SEMA5A: variants seen among roughly 807,000 people sequenced by gnomAD.
The protein encoded by SEMA5A is semaphorin 5A.
Under a neutral mutation model 135.5 loss-of-function variants are expected in SEMA5A, and 55 were observed. That is an observed-to-expected ratio of 0.41 (90% confidence interval 0.33 to 0.51). SEMA5A has a LOEUF of 0.51. SEMA5A is among the 20% of genes least tolerant of loss of function. The pLI, the probability that SEMA5A is intolerant of heterozygous loss-of-function variation, is 0.37. For synonymous variants in SEMA5A, 580 were observed against 546.5 expected (o/e 1.06, Z -0.85); for missense variants, 1,290 against 1,419.9 (o/e 0.91, Z 1.47).
chr5:9,357,838 A>G (rs1754519673), intron 3 of SEMA5A, among the ~76,000 whole-genome samples: 1 of 152,238 alleles, frequency 6.6e-6, no homozygotes, highest in African/African-American at 2.4e-5. Context: ...AAACTTACTT[A>G]GCTCCACGTC....
At chr5:9,380,652 G>C (rs895517534) in intron 2 of SEMA5A, among the ~76,000 whole-genome samples, 2 of 152,046 alleles carry the variant, frequency 1.3e-5, no homozygotes, top group African/African-American at 4.8e-5. Flanking sequence ...AATCTATATC[G>C]AGCACCTACT....
intron 1 of SEMA5A, among the ~76,000 whole-genome samples, chr5:9,539,780 G>A (rs1483857668): frequency 6.6e-6 from 1 of 152,164 alleles, no homozygotes; most frequent in African/African-American, 2.4e-5. Context: ...TATTCAATCT[G>A]TACACAGAAA....
intron 11 of SEMA5A, among the ~76,000 whole-genome samples, chr5:9,158,995 T>A (rs1743106592): frequency 6.6e-6 from 1 of 152,218 alleles, no homozygotes; most frequent in African/African-American, 2.4e-5. Flanking sequence ...TAGTATGCAC[T>A]ATTCAATATT....
chr5:9,120,883 A>C (rs1740780938), intron 14 of SEMA5A, among the ~76,000 whole-genome samples: 1 of 151,216 alleles, frequency 6.6e-6, no homozygotes, highest in African/African-American at 2.4e-5. Context: ...GGTTCAAGAG[A>C]TTCTCCTGCC....
At chr5:9,232,849 G>A (rs930452944) in intron 6 of SEMA5A, among the ~76,000 whole-genome samples, 1 of 152,174 alleles carries the variant, frequency 6.6e-6, no homozygotes, top group African/African-American at 2.4e-5. Flanking sequence ...GGGCTACAAT[G>A]TGTCCCATGT....
At chr5:9,408,270 T>C (rs893166804) in intron 2 of SEMA5A, among the ~76,000 whole-genome samples, 4 of 152,158 alleles carry the variant, frequency 2.6e-5, no homozygotes, top group Non-Finnish European at 2.9e-5. Context: ...TAACCCTGCA[T>C]TGGGCTCCAG....
chr5:9,100,606 T>C (rs1189247181), intron 16 of SEMA5A, among the ~76,000 whole-genome samples: 2 of 152,118 alleles, frequency 1.3e-5, no homozygotes, highest in Non-Finnish European at 2.9e-5. Context: ...CACCCTGTCA[T>C]CCTCTCCACC....
chr5:9,231,013 A>G (rs1248300169), intron 6 of SEMA5A, among the ~76,000 whole-genome samples: 1 of 152,232 alleles, frequency 6.6e-6, no homozygotes. Context: ...GTGAATTCCA[A>G]ACAAATTCAT....
At chr5:9,459,827 A>G (rs1758989202) in intron 1 of SEMA5A, among the ~76,000 whole-genome samples, 1 of 152,226 alleles carries the variant, frequency 6.6e-6, no homozygotes, top group Admixed American at 6.5e-5. Context: ...ATGATTGTTT[A>G]TTCAATGGAA....
chr5:9,096,633 C>A (rs556311145), intron 16 of SEMA5A, among the ~76,000 whole-genome samples: 2 of 150,842 alleles, frequency 1.3e-5, no homozygotes, highest in Admixed American at 6.6e-5. Context: ...TTGATGGACA[C>A]TTAAGCTGTT....
At chr5:9,430,526 G>A (rs4702626) in intron 2 of SEMA5A, among the ~76,000 whole-genome samples, 78,871 of 151,942 alleles carry the variant, frequency 0.52, 21,522 homozygotes, top group Middle Eastern at 0.64. Context: ...TGGATGGCAG[G>A]GAGATGACCA....
At chr5:9,236,214 C>T (rs913540575) in intron 6 of SEMA5A, among the ~76,000 whole-genome samples, 1 of 152,166 alleles carries the variant, frequency 6.6e-6, no homozygotes, top group African/African-American at 2.4e-5. Context: ...CACAGAGCAA[C>T]CCCTGGGAGG....
At chr5:9,427,937 A>T (rs1233588455) in intron 2 of SEMA5A, among the ~76,000 whole-genome samples, 13 of 152,078 alleles carry the variant, frequency 8.5e-5, no homozygotes, top group South Asian at 2.1e-4. Flanking sequence ...TCATCCAATT[A>T]TAAGGCTTTC....
intron 16 of SEMA5A, among the ~76,000 whole-genome samples, chr5:9,080,580 G>A (rs1331241257): frequency 1.3e-5 from 2 of 150,582 alleles, no homozygotes; most frequent in Admixed American, 1.3e-4. Context: ...TGAAACAATT[G>A]TAGCATCTTC....
intron 15 of SEMA5A, among the ~76,000 whole-genome samples, chr5:9,115,674 T>C (rs989485542): frequency 6.6e-6 from 1 of 152,004 alleles, no homozygotes; most frequent in African/African-American, 2.4e-5. Flanking sequence ...TGAGGGACCT[T>C]GAAAGTGGGT....
rs1745889778 is a variant in SEMA5A at position 9,204,290 on chromosome 5, T to C, written c.647-2050A>G. On this transcript the variant is annotated intron_variant, in intron 8 of 22. Coordinates refer to ENST00000382496, the MANE Select transcript of SEMA5A (RefSeq NM_003966.3). This position sits in a 1 kb window ranked among gnomAD's most constrained non-coding sequence, Gnocchi z 6.4. ...GGTCCAAGTGTGTCTAGCCCGGGAC[T>C]TAGGTTACCAGCACACATGCAGGAG... 6.6e-6 allele frequency among the ~76,000 whole-genome samples: 1 copy of C among 152,138 alleles called. No individual in the cohort carries two copies. The highest frequency in any genetic ancestry group is 2.4e-5 in the African/African-American group (1 of 41,438).
At chr5:9,405,476 T>C (rs1010133919) in intron 2 of SEMA5A, among the ~76,000 whole-genome samples, 2 of 152,216 alleles carry the variant, frequency 1.3e-5, no homozygotes, top group African/African-American at 4.8e-5. Flanking sequence ...GAATGATGTA[T>C]AATCAAAGCC....
chr5:9,223,497 T>C (rs558869760), intron 8 of SEMA5A, among the ~76,000 whole-genome samples: 6 of 152,270 alleles, frequency 3.9e-5, no homozygotes, highest in African/African-American at 1.4e-4. Context: ...TACTGGCATA[T>C]AATGACTATA....
chr5:9,430,711 G>A (rs144475344), intron 2 of SEMA5A, among the ~76,000 whole-genome samples: 13 of 152,266 alleles, frequency 8.5e-5, no homozygotes, highest in Non-Finnish European at 1.6e-4. Flanking sequence ...GCAACATGGC[G>A]GTGTTGGGTG....
Sources: gnomAD v4.1 joint callset for allele counts (sites outside exome capture counted in the v4.1 genomes callset) on GRCh38, gnomAD v4.1.1 for gene constraint, Gnocchi (gnomAD v3.1) non-coding constraint, MANE v1.5 for transcripts, NCBI Gene and HGNC (gene_info 2026-07-23, HGNC 2026-07-21) for gene names.